The following EXT1 variants were observed in gnomAD, a reference collection of about 807,000 sequenced individuals.
EXT1 encodes the protein exostosin glycosyltransferase 1, also known as exostosin-1.
A neutral mutation model predicts 82.5 loss-of-function variants in EXT1; 20 were observed. That is an observed-to-expected ratio of 0.24 (90% CI 0.17 to 0.35). The LOEUF (loss-of-function observed/expected upper bound fraction) is 0.35, where lower values mean the gene tolerates loss of function less well. Ranked by LOEUF, EXT1 falls within the 10% of genes least tolerant of loss-of-function variation. EXT1 has a pLI of 1.00. For synonymous variants in EXT1, 348 were observed against 350.8 expected (o/e 0.99, Z 0.09); for missense variants, 757 against 936.5 (o/e 0.81, Z 2.50).
intron 1 of EXT1, among the ~76,000 whole-genome samples, chr8:118,104,674 T>A (rs2130029827): frequency 6.6e-6 from 1 of 152,346 alleles, no homozygotes; most frequent in South Asian, 2.1e-4. Context: ...TTTTGAGATA[T>A]CTGCATTGTA....
At chr8:117,944,196 G>A (rs532142618) in intron 1 of EXT1, among the ~76,000 whole-genome samples, 1 of 152,240 alleles carries the variant, frequency 6.6e-6, no homozygotes, top group Non-Finnish European at 1.5e-5. Flanking sequence ...GAAGTCAGGA[G>A]ACCAGCCTGG....
intron 7 of EXT1, among the ~76,000 whole-genome samples, chr8:117,816,930 A>G (rs1811831727): frequency 1.3e-5 from 2 of 152,182 alleles, no homozygotes; most frequent in South Asian, 4.1e-4. Context: ...GCCTCTGAGT[A>G]CTGTTCATGG....
intron 1 of EXT1, among the ~76,000 whole-genome samples, chr8:118,089,023 C>G (rs182248852): frequency 6.6e-6 from 1 of 152,010 alleles, no homozygotes; most frequent in Admixed American, 6.6e-5. Flanking sequence ...TTCTTTTACA[C>G]GAGACTGATC....
At chr8:118,090,099 A>G (rs977661559) in intron 1 of EXT1, among the ~76,000 whole-genome samples, 3 of 152,138 alleles carry the variant, frequency 2.0e-5, no homozygotes, top group African/African-American at 7.2e-5. Flanking sequence ...GCTATTCTGC[A>G]GAGAAGTGTC....
At chr8:117,860,280 C>T (rs917268306) in intron 1 of EXT1, among the ~76,000 whole-genome samples, 4 of 151,788 alleles carry the variant, frequency 2.6e-5, no homozygotes, top group Non-Finnish European at 5.9e-5. Flanking sequence ...TGTTCTCACT[C>T]AGAAGTGGGA....
At chr8:117,958,947 G>A (rs2129712349) in intron 1 of EXT1, among the ~76,000 whole-genome samples, 1 of 152,138 alleles carries the variant, frequency 6.6e-6, no homozygotes, top group African/African-American at 2.4e-5. Flanking sequence ...TCCTTTCTGA[G>A]GCTACTGAGA....
chr8:118,021,479 A>T (rs964522127), intron 1 of EXT1, among the ~76,000 whole-genome samples: 10 of 152,242 alleles, frequency 6.6e-5, no homozygotes, highest in African/African-American at 2.4e-4. Flanking sequence ...ACTCTTCTGC[A>T]GAAGTTCAGG....
chr8:118,028,587 G>C (rs1163707875), intron 1 of EXT1, among the ~76,000 whole-genome samples: 1 of 151,644 alleles, frequency 6.6e-6, no homozygotes, highest in African/African-American at 2.4e-5. Flanking sequence ...ATTTATATAT[G>C]AGTAGTTGAC....
chr8:117,822,742 T>G (rs1811946542), intron 4 of EXT1, 145 bp from the exon 5 acceptor site: 2 of 842,242 alleles, frequency 2.4e-6, no homozygotes, highest in African/African-American at 3.3e-5. Flanking sequence ...GATAAAAATG[T>G]CTGCAAGACA....
intron 1 of EXT1, among the ~76,000 whole-genome samples, chr8:117,940,535 G>A (rs1814251052): frequency 6.6e-6 from 1 of 152,210 alleles, no homozygotes; most frequent in Non-Finnish European, 1.5e-5. Flanking sequence ...CAGCCCTGGG[G>A]TCTGGGGAGT....
intron 1 of EXT1, among the ~76,000 whole-genome samples, chr8:117,855,890 A>G (rs145550665): frequency 0.094 from 14,326 of 152,110 alleles, 938 homozygotes; most frequent in African/African-American, 0.19. Flanking sequence ...GGCTGGTCTC[A>G]AACACCCGAC....
At position 118,095,843 on chromosome 8, in the gene EXT1, TTGAGTACTTC is replaced by T. The variant is rs1817601261; in HGVS notation, c.962+14232_962+14241del. On this transcript the variant is annotated intron_variant, in intron 1 of 10. Transcript: ENST00000378204. ...ACACCCTCTATTTTACCTATGCACC[TTGAGTACTTC>T]TATGCAATATCCCACAGGATTCTAC... 2.0e-5 allele frequency among the ~76,000 whole-genome samples: 3 copies of T among 152,234 alleles called. No homozygotes were observed. In the South Asian group the frequency reaches 6.2e-4, roughly 31 times the overall value.
intron 1 of EXT1, among the ~76,000 whole-genome samples, chr8:117,890,495 C>G (rs182037255): frequency 4.6e-5 from 7 of 152,304 alleles, no homozygotes; most frequent in Admixed American, 6.5e-5. Context: ...AAACTCTGGT[C>G]TTACATTGGC....
chr8:117,900,272 C>T (rs375783132), intron 1 of EXT1, among the ~76,000 whole-genome samples: 37 of 152,282 alleles, frequency 2.4e-4, no homozygotes, highest in African/African-American at 6.5e-4. Context: ...AAGGCAACGT[C>T]GGTACTGTTT....
chr8:118,058,135 C>A (rs1816825423), intron 1 of EXT1, among the ~76,000 whole-genome samples: 1 of 152,052 alleles, frequency 6.6e-6, no homozygotes, highest in African/African-American at 2.4e-5. Context: ...CCCACTCACA[C>A]ACAGACAGAC....
At chr8:118,098,113 C>T (rs1011100884) in intron 1 of EXT1, among the ~76,000 whole-genome samples, 11 of 151,982 alleles carry the variant, frequency 7.2e-5, no homozygotes, top group Non-Finnish European at 1.5e-4. Context: ...TATGAGACAC[C>T]CCCAAGGCCC....
intron 10 of EXT1, among the ~76,000 whole-genome samples, chr8:117,802,828 G>T (rs997030403): frequency 1.3e-5 from 2 of 152,156 alleles, no homozygotes; most frequent in Non-Finnish European, 2.9e-5. Context: ...CAGACTCTTT[G>T]CTAAGGACAG....
At chr8:118,089,207 C>A (rs1817480230) in intron 1 of EXT1, among the ~76,000 whole-genome samples, 1 of 152,024 alleles carries the variant, frequency 6.6e-6, no homozygotes, top group African/African-American at 2.4e-5. Flanking sequence ...AGTTTTCACC[C>A]CAAAGCCCCC....
intron 4 of EXT1, among the ~76,000 whole-genome samples, chr8:117,827,784 CAAAAAAAAAAAAAA>C (rs768731740): frequency 0.043 from 2,330 of 54,330 alleles, 97 homozygotes; most frequent in African/African-American, 0.17. Context: ...GACTCTGTCT[CAAAAAAAAAAAAAA>C]AAAAAAAAAA....
Sources: allele counts gnomAD v4.1 joint callset (sites outside exome capture counted in the v4.1 genomes callset), GRCh38; gene constraint gnomAD v4.1.1; transcripts MANE v1.5; gene names NCBI Gene and HGNC (gene_info 2026-07-23, HGNC 2026-07-21).